MAPK6: variants seen among roughly 807,000 people sequenced by gnomAD.
MAPK6 encodes ERK-3.
A neutral mutation model predicts 59.3 loss-of-function variants in MAPK6; 19 were observed. The ratio of observed to expected loss-of-function variants is 0.32; its 90% CI spans 0.22 to 0.47. The LOEUF (loss-of-function observed/expected upper bound fraction) is 0.47. Among genes scored for constraint, MAPK6 ranks in the 20% least tolerant of loss-of-function variants. The pLI is 1.00. For missense variants in MAPK6, 724 were observed against 847.9 expected (o/e 0.85, Z 1.81); for synonymous variants, 316 against 290.3 (o/e 1.09, Z -0.90).
At chr15:51,999,568 C>T (rs943646940) in intron 2 of MAPK6, among the ~76,000 whole-genome samples, 4 of 152,158 alleles carry the variant, frequency 2.6e-5, no homozygotes, top group Non-Finnish European at 4.4e-5. Context: ...TTTTCTCCCA[C>T]GCTTTGGGTT....
At chr15:52,058,606 GT>G in intron 3 of MAPK6, 26 bp from the exon 4 acceptor site, 2 of 1,561,964 alleles carry the variant, frequency 1.3e-6, no homozygotes, top group Non-Finnish European at 1.7e-6. Flanking sequence ...TGAGGAATGT[GT>G]TTTTTTGTTT....
intron 1 of MAPK6, among the ~76,000 whole-genome samples, chr15:52,027,331 C>T: frequency 9.9e-6 from 1 of 101,508 alleles, no homozygotes; most frequent in African/African-American, 3.8e-5. Flanking sequence ...GGCTGGGTGA[C>T]AGAGCGAGAC....
intron 5 of MAPK6, 83 bp from the exon 6 acceptor site, chr15:52,063,819 G>A: frequency 8.0e-7 from 1 of 1,247,634 alleles, no homozygotes; most frequent in East Asian, 2.4e-5. Flanking sequence ...ACCTAGCACA[G>A]TGCTGTCACA....
chr15:51,990,860 G>A (rs1010664590), intron 2 of MAPK6, among the ~76,000 whole-genome samples: 3 of 152,074 alleles, frequency 2.0e-5, no homozygotes, highest in African/African-American at 4.8e-5. Flanking sequence ...AGGCTGAGGC[G>A]GGAGAATGGC....
At chr15:52,001,400 A>T (rs1286147991) in intron 2 of MAPK6, among the ~76,000 whole-genome samples, 1 of 151,700 alleles carries the variant, frequency 6.6e-6, no homozygotes, top group Non-Finnish European at 1.5e-5. Context: ...ATTCTACTCT[A>T]TTGGTCTGTA....
chr15:52,036,196 A>G lies in MAPK6; in HGVS notation c.-631-9634A>G, dbSNP rs148752327. On this transcript the variant is annotated intron_variant, in intron 1 of 5. Coordinates refer to ENST00000261845, the MANE Select transcript of MAPK6 (RefSeq NM_002748.4). ...AAAGAAGAAATCCTGTAGCTTAGCCACTTTGTTTTCCTGATGAGGAACTGA... is the reference window on the plus strand; with the variant it reads ...AAAGAAGAAATCCTGTAGCTTAGCCGCTTTGTTTTCCTGATGAGGAACTGA... Among the ~76,000 whole-genome samples, 18 of 152,256 alleles carry G rather than the reference A, an allele frequency of 1.2e-4. 1 individual carries two copies. The East Asian group carries it at 3.1e-3, about 26-fold the overall frequency.
intron 2 of MAPK6, among the ~76,000 whole-genome samples, chr15:51,993,582 A>G (rs2057215931): frequency 6.6e-6 from 1 of 152,152 alleles, no homozygotes; most frequent in Non-Finnish European, 1.5e-5. Flanking sequence ...ATAATTTTAA[A>G]TATAGATAGA....
At position 52,065,036 on chromosome 15, in the gene MAPK6, G is replaced by GT. The variant is rs1214444460; in HGVS notation, c.*36_*37insT. 6.6e-7 allele frequency: 1 copy of GT among 1,523,862 alleles called. No individual in the cohort carries two copies. The allele number at this position is 1,523,862 out of a possible 1,614,324, so 94.4% of individuals were successfully genotyped here. A position where few individuals can be genotyped will look rare whatever the true frequency, so the allele number is the denominator to read the frequency against. On this transcript the variant is annotated 3_prime_UTR_variant, in exon 6 of 6. Transcript: ENST00000261845. ...AGACATTTATCTTTGTATTCTTCAT[G>GT]AAATGTGTTTTGTCTTTTTTTATTA...
intron 3 of MAPK6, among the ~76,000 whole-genome samples, chr15:52,012,477 A>G (rs2030082474): frequency 6.6e-6 from 1 of 152,134 alleles, no homozygotes; most frequent in Admixed American, 6.6e-5. Context: ...CCTTATTGTC[A>G]CATTACCAGG....
Position 51,997,594 on chromosome 15 carries a change from T to C in MAPK6, c.-769-6671T>C, listed in dbSNP as rs181522100. Among the ~76,000 whole-genome samples, 36 of 150,080 alleles carry C rather than the reference T, an allele frequency of 2.4e-4. No individual in the cohort carries two copies. In the East Asian group the frequency reaches 3.5e-3, roughly 15 times the overall value. On this transcript the variant is annotated intron_variant, in intron 2 of 7. Coordinates refer to the MAPK6 transcript ENST00000691380. ...TTAAAGTTATTTTCTTTCTTTCTTTTTTTTTTTTTTTTTGAGATGGAGTTT... is the reference window on the plus strand; with the variant it reads ...TTAAAGTTATTTTCTTTCTTTCTTTCTTTTTTTTTTTTTGAGATGGAGTTT...
At position 52,061,369 on chromosome 15, in the gene MAPK6, C is replaced by T. The variant is rs781472374; in HGVS notation, c.936C>T (p.Ser312=). ...GGTTAACAGCAGAAGAAGCACTCTC[C>T]CATCCTTACATGAGCATATATTCTT... ...MDRLTAEEAL[S]HPYMSIYSFP... Residue 312 remains serine, a synonymous_variant, in exon 5 of 6, where the codon TCC becomes TCT. Transcript: ENST00000261845. The T allele has an allele frequency of 1.5e-5, 25 of 1,613,944 alleles. No individual in the cohort carries two copies. In the East Asian group the frequency reaches 3.6e-4, roughly 23 times the overall value.
chr15:52,064,346 G>C lies in MAPK6; in HGVS notation c.1512G>C (p.Gln504His). 6.2e-7 allele frequency: 1 copy of C among 1,611,416 alleles called. No individual in the cohort carries two copies. The highest frequency in any genetic ancestry group is 8.5e-7 in the Non-Finnish European group (1 of 1,179,630). Residue 504 changes from glutamine (Q) to histidine (H), a missense_variant, in exon 6 of 6, where the codon CAG becomes CAC. Transcript: ENST00000261845. ...AAAGGAATGGATTGGTTAAAGCCCA[G>C]ATAGCGCTAGAGGAAGCATCACAGC... ...KCERNGLVKA[Q>H]IALEEASQQL...
At chr15:52,055,616 A>AG (rs1419399188) in intron 3 of MAPK6, among the ~76,000 whole-genome samples, 1 of 152,114 alleles carries the variant, frequency 6.6e-6, no homozygotes, top group African/African-American at 2.4e-5. Flanking sequence ...CCCGGGTTCA[A>AG]GCGATTCTCC....
intron 1 of MAPK6, among the ~76,000 whole-genome samples, chr15:52,034,947 T>G (rs1166426817): frequency 6.6e-6 from 1 of 151,646 alleles, no homozygotes; most frequent in Admixed American, 6.6e-5. Flanking sequence ...ATCTGCTTGC[T>G]GGCCTCAGCC....
intron 2 of MAPK6, among the ~76,000 whole-genome samples, chr15:51,989,751 C>T (rs1032153014): frequency 3.9e-5 from 6 of 152,092 alleles, no homozygotes; most frequent in Admixed American, 1.3e-4. Flanking sequence ...AGGCATGTGC[C>T]ACCATACCTG....
At chr15:52,061,571 T>A (rs542531795) in intron 5 of MAPK6, 71 bp downstream of exon 5, 21 of 1,119,386 alleles carry the variant, frequency 1.9e-5, no homozygotes, top group South Asian at 1.3e-4. Context: ...TGAGTTTTTT[T>A]AAAATTATGT....
intron 2 of MAPK6, among the ~76,000 whole-genome samples, chr15:51,984,273 A>G (rs889671426): frequency 6.6e-6 from 1 of 151,870 alleles, no homozygotes; most frequent in African/African-American, 2.4e-5. Context: ...GATGTTTTCT[A>G]TGTTTTCAGA....
chr15:52,001,282 GA>G (rs112979581), intron 2 of MAPK6, among the ~76,000 whole-genome samples: 2,715 of 151,888 alleles, frequency 0.018, 84 homozygotes, highest in African/African-American at 0.063. Context: ...AGAACTGCAA[GA>G]AAAAAAGTTT....
intron 3 of MAPK6, among the ~76,000 whole-genome samples, chr15:52,008,447 T>C (rs557074069): frequency 8.5e-5 from 13 of 152,302 alleles, no homozygotes; most frequent in Admixed American, 2.6e-4. Context: ...TTAATACTTA[T>C]TTGCTTTGTC....
Sources: allele counts gnomAD v4.1 joint callset (sites outside exome capture counted in the v4.1 genomes callset), GRCh38; gene constraint gnomAD v4.1.1; transcripts MANE v1.5; gene names NCBI Gene and HGNC (gene_info 2026-07-23, HGNC 2026-07-21).